WWOX: variants seen among roughly 807,000 people sequenced by gnomAD.
The protein encoded by WWOX is WW domain containing oxidoreductase.
Under a neutral mutation model 46.2 loss-of-function variants are expected in WWOX, and 69 were observed. That is an observed-to-expected ratio of 1.49 (90% confidence interval 1.23 to 1.82). The LOEUF is 1.82. Ranked by LOEUF, WWOX falls within the 40% of genes most tolerant of loss-of-function variation. The pLI is 0.00. For missense variants in WWOX, 919 were observed against 542.6 expected (o/e 1.69, Z -6.89); for synonymous variants, 359 against 202.6 (o/e 1.77, Z -6.56).
Position 78,517,858 on chromosome 16 carries a change from T to G in WWOX, c.1056+85106T>G, listed in dbSNP as rs1482080234. On this transcript the variant is annotated intron_variant, in intron 8 of 8. Coordinates refer to ENST00000566780, the MANE Select transcript of WWOX (RefSeq NM_016373.4). The stretch of plus-strand genomic sequence containing the variant: ...AAAGAATGATGTTACACAACCTATT[T>G]TTTTTTTTTTTTTTTTTTTTTACTC... 2.6e-4 allele frequency among the ~76,000 whole-genome samples: 24 copies of G among 91,268 alleles called. No homozygotes were observed. The South Asian group carries it at 0.011, about 43-fold the overall frequency. The allele number at this position is 91,268 out of a possible 152,430, so 59.9% of individuals were successfully genotyped here. A position where few individuals can be genotyped will look rare whatever the true frequency, so the allele number is the denominator to read the frequency against.
intron 5 of WWOX, among the ~76,000 whole-genome samples, chr16:78,255,033 C>T (rs1407770959): frequency 6.6e-6 from 1 of 152,242 alleles, no homozygotes; most frequent in Non-Finnish European, 1.5e-5. Flanking sequence ...GTTTCCAGCA[C>T]AGTTTCCAAC....
chr16:78,922,726 C>T (rs2045407696), intron 8 of WWOX, among the ~76,000 whole-genome samples: 1 of 151,922 alleles, frequency 6.6e-6, no homozygotes, highest in African/African-American at 2.4e-5. Context: ...GAAAGGATTC[C>T]AACTTTCCCA....
chr16:78,804,773 G>A (rs2050985504), intron 8 of WWOX, among the ~76,000 whole-genome samples: 1 of 152,066 alleles, frequency 6.6e-6, no homozygotes, highest in South Asian at 2.1e-4. Flanking sequence ...TGATAGTTCA[G>A]GTGTGCAGAG....
In WWOX at chr16:78,874,642, T is replaced by C. The variant is rs142697877; in HGVS notation, c.1057-336966T>C. On this transcript the variant is annotated intron_variant, in intron 8 of 8. Coordinates refer to ENST00000566780, the MANE Select transcript of WWOX (RefSeq NM_016373.4). ...GTTGGCAATGGGTAGTGGACAAAAA[T>C]TGAAACACCTTCAACTGTGTCTGTG... Among the ~76,000 whole-genome samples, 249 of 151,714 alleles carry C rather than the reference T, an allele frequency of 1.6e-3. 1 individual carries two copies. The highest frequency in any genetic ancestry group is 5.4e-3 in the African/African-American group (225 of 41,324).
At chr16:78,408,486 A>G (rs962814017) in intron 6 of WWOX, among the ~76,000 whole-genome samples, 5 of 152,048 alleles carry the variant, frequency 3.3e-5, no homozygotes, top group South Asian at 4.1e-4. Flanking sequence ...CTCACTCTCC[A>G]TTGTCTGCAT....
chr16:78,433,190 G>T (rs531545216), intron 8 of WWOX, among the ~76,000 whole-genome samples: 20 of 152,266 alleles, frequency 1.3e-4, no homozygotes, highest in African/African-American at 4.8e-4. Context: ...CAGAAAAACT[G>T]TATCTTTTGT....
At chr16:78,686,744 C>G (rs923120443) in intron 8 of WWOX, among the ~76,000 whole-genome samples, 6 of 152,166 alleles carry the variant, frequency 3.9e-5, no homozygotes, top group African/African-American at 7.2e-5. Flanking sequence ...ATAAGCAACT[C>G]CACCCTGCAC....
At chr16:78,470,911 G>A (rs940266075) in intron 8 of WWOX, among the ~76,000 whole-genome samples, 1 of 152,184 alleles carries the variant, frequency 6.6e-6, no homozygotes, top group South Asian at 2.1e-4. Flanking sequence ...GTGATATTGT[G>A]CCTACTTCAC....
intron 8 of WWOX, among the ~76,000 whole-genome samples, chr16:78,670,767 C>T (rs189387686): frequency 5.1e-4 from 78 of 152,140 alleles, no homozygotes; most frequent in African/African-American, 1.8e-3. Context: ...CTGCTTTGAC[C>T]TCCTAAAGTG....
Position 78,807,590 on chromosome 16 carries a change from A to G in WWOX, c.1056+374838A>G, listed in dbSNP as rs571017369. Among the ~76,000 whole-genome samples the G allele has an allele frequency of 2.0e-5, 3 of 152,364 alleles. No homozygotes were observed. In the South Asian group the frequency reaches 6.2e-4, roughly 32 times the overall value. ...TGTGGCAAATGTGGAGTGCCATGGG[A>G]TGAAGCCAGTCAATTTCATCTAGGA... On this transcript the variant is annotated intron_variant, in intron 8 of 8. Transcript: ENST00000566780.
At chr16:78,969,132 C>T (rs1004377256) in intron 8 of WWOX, among the ~76,000 whole-genome samples, 3 of 152,080 alleles carry the variant, frequency 2.0e-5, no homozygotes, top group Admixed American at 2.0e-4. Flanking sequence ...AGGGGACTCC[C>T]TGGCTGTTTC....
intron 6 of WWOX, among the ~76,000 whole-genome samples, chr16:78,398,900 C>A (rs934935088): frequency 3.9e-5 from 6 of 152,200 alleles, no homozygotes; most frequent in Non-Finnish European, 5.9e-5. Flanking sequence ...TCTTTATCAT[C>A]CTTTGCAATT....
intron 8 of WWOX, chr16:79,204,168 A>C (rs961364135): frequency 6.6e-6 from 1 of 152,194 alleles, no homozygotes; most frequent in African/African-American, 2.4e-5. Context: ...ATCCCTATTC[A>C]TAAAGAAACT....
chr16:78,528,828 C>T (rs1426586312), intron 8 of WWOX, among the ~76,000 whole-genome samples: 3 of 152,160 alleles, frequency 2.0e-5, no homozygotes, highest in Non-Finnish European at 4.4e-5. Context: ...TGGTAGAAAT[C>T]AGGCAACCTC....
At position 78,336,653 on chromosome 16, in the gene WWOX, C is replaced by T. The variant is rs373822497; in HGVS notation, c.517-50207C>T. Reference sequence around the variant, plus strand: ...TTGGGAGGTAAGGACTTCTTAGTTCCAGCTGCCTGTTGCCATGGGGGAACA... The same window carrying T: ...TTGGGAGGTAAGGACTTCTTAGTTCTAGCTGCCTGTTGCCATGGGGGAACA... On this transcript the variant is annotated intron_variant, in intron 5 of 8. Coordinates refer to ENST00000566780, the MANE Select transcript of WWOX (RefSeq NM_016373.4). Among the ~76,000 whole-genome samples, 19 of 152,174 alleles carry T rather than the reference C, an allele frequency of 1.2e-4. 1 individual carries two copies. The highest frequency in any genetic ancestry group is 2.4e-4 in the African/African-American group (10 of 41,528).
intron 8 of WWOX, among the ~76,000 whole-genome samples, chr16:79,170,354 G>A (rs1274201213): frequency 6.6e-6 from 1 of 152,176 alleles, no homozygotes; most frequent in African/African-American, 2.4e-5. Flanking sequence ...AAGTAGCAAA[G>A]ATGGAATTTG....
intron 8 of WWOX, among the ~76,000 whole-genome samples, chr16:78,494,118 T>C (rs2084852481): frequency 6.6e-6 from 1 of 152,172 alleles, no homozygotes; most frequent in African/African-American, 2.4e-5. Flanking sequence ...AGGTAATGTC[T>C]TCACATGGCT....
chr16:78,441,382 ACTT>A (rs2083440758), intron 8 of WWOX, among the ~76,000 whole-genome samples: 2 of 152,338 alleles, frequency 1.3e-5, no homozygotes, highest in South Asian at 4.1e-4. Flanking sequence ...TCCTTAATGT[ACTT>A]CTTATCATTT....
chr16:79,101,812 G>A (rs1430134495), intron 8 of WWOX: 1 of 151,032 alleles, frequency 6.6e-6, no homozygotes, highest in Non-Finnish European at 1.5e-5. Context: ...TTTTCTAGAG[G>A]TAGGAGGTAC....
Sources: allele counts gnomAD v4.1 joint callset (sites outside exome capture counted in the v4.1 genomes callset), GRCh38; gene constraint gnomAD v4.1.1; transcripts MANE v1.5; gene names NCBI Gene and HGNC (gene_info 2026-07-23, HGNC 2026-07-21).